TMEM94: variants seen among roughly 807,000 people sequenced by gnomAD.
TMEM94 encodes the protein ER Mg2+ ATPase.
In TMEM94, 81 loss-of-function variants were observed where a neutral mutation model predicts 158.6. The observed-to-expected ratio is 0.51, with a 90% CI of 0.43 to 0.61. The LOEUF is 0.61. Among genes scored for constraint, TMEM94 ranks in the 20% least tolerant of loss-of-function variants. TMEM94 has a pLI of 0.00. For synonymous variants in TMEM94, 751 were observed against 730.7 expected, an observed-to-expected ratio of 1.03 and a Z score of -0.45; for missense variants, 1,435 against 1,762.0, an observed-to-expected ratio of 0.81 and a Z score of 3.32.
chr17:75,490,782 TTC>T (rs2052100963), intron 11 of TMEM94, 24 bp downstream of exon 11: 2 of 1,606,226 alleles, frequency 1.2e-6, no homozygotes, highest in Admixed American at 1.7e-5. Context: ...CCGGGATGGC[TTC>T]TCTCGCAGGT....
intron 25 of TMEM94, 47 bp from the exon 26 acceptor site, chr17:75,497,066 T>C (rs2052770217): frequency 1.3e-6 from 2 of 1,542,092 alleles, no homozygotes; most frequent in Admixed American, 1.7e-5. Flanking sequence ...ATGCCCTTAT[T>C]ATTTGCCTGA....
Position 75,495,844 on chromosome 17 carries a change from G to T in TMEM94, c.2945-122G>T. 1 of 827,406 alleles carries T rather than the reference G, an allele frequency of 1.2e-6. No individual in the cohort carries two copies. Among genetic ancestry groups the T allele is most frequent in the South Asian group, 1.6e-5 (1 of 61,674 alleles). 51.3% of individuals were successfully genotyped at this position (827,406 alleles called of 1,614,324 possible). On this transcript the variant is annotated intron_variant, in intron 22 of 31. Coordinates refer to ENST00000314256, the MANE Select transcript of TMEM94 (RefSeq NM_014738.6). The surrounding 1 kb of genome is among the most constrained non-coding windows in gnomAD (Gnocchi z 5.6). Reference sequence around the variant, plus strand: ...CACATGATCCCGCTGCCGGGGGTGGGATTGTTTCAAAGAGGGGCCCACCTC... The same window carrying T: ...CACATGATCCCGCTGCCGGGGGTGGTATTGTTTCAAAGAGGGGCCCACCTC...
Position 75,490,761 on chromosome 17 carries a change from A to G in TMEM94, c.1128+3A>G. On this transcript the variant is annotated splice_donor_region_variant and intron_variant, in intron 11 of 31. Coordinates refer to ENST00000314256, the MANE Select transcript of TMEM94 (RefSeq NM_014738.6). ...ATACGGAGGCTGTCTCCTCTCAGGT[A>G]CAACACTGACCCGGGATGGCTTCTC... 1.2e-6 allele frequency: 2 copies of G among 1,613,292 alleles called. No homozygotes were observed. The highest frequency in any genetic ancestry group is 1.7e-6 in the Non-Finnish European group (2 of 1,179,260).
chr17:75,461,228 T>C (rs1288478011), intron 1 of TMEM94, among the ~76,000 whole-genome samples: 2 of 150,014 alleles, frequency 1.3e-5, no homozygotes, highest in African/African-American at 2.5e-5. Flanking sequence ...GCCTCCGGAG[T>C]AGCTGGGAAT....
At chr17:75,457,881 T>A (rs1027398165) in intron 1 of TMEM94, among the ~76,000 whole-genome samples, 2 of 152,032 alleles carry the variant, frequency 1.3e-5, no homozygotes, top group African/African-American at 4.8e-5. Context: ...CCTGAGGAGA[T>A]CAAGTTCCCT....
intron 1 of TMEM94, among the ~76,000 whole-genome samples, chr17:75,468,566 C>A (rs2050387588): frequency 6.6e-6 from 1 of 152,156 alleles, no homozygotes; most frequent in South Asian, 2.1e-4. Flanking sequence ...TTTCAGTTGG[C>A]GACCAAAGAC....
chr17:75,485,739 A>G lies in TMEM94; in HGVS notation c.145-132A>G. The G allele has an allele frequency of 7.4e-7, 1 of 1,355,798 alleles. No individual in the cohort carries two copies. The highest frequency in any genetic ancestry group is 1.0e-6 in the Non-Finnish European group (1 of 1,001,840). The allele number at this position is 1,355,798 out of a possible 1,614,324, so 84.0% of individuals were successfully genotyped here. A position where few individuals can be genotyped will look rare whatever the true frequency, so the allele number is the denominator to read the frequency against. On this transcript the variant is annotated intron_variant, in intron 3 of 31. Transcript: ENST00000314256. This position sits in a 1 kb window ranked among gnomAD's most constrained non-coding sequence, Gnocchi z 5.5. ...AGCCTGCTTGCTGCAGGAGCCCAAC[A>G]GGCTGGAGCCCAGCCGAGGTCAAAG...
chr17:75,495,022 G>T lies in TMEM94; in HGVS notation c.2716G>T (p.Asp906Tyr), dbSNP rs760882172. Reference sequence around the variant, plus strand: ...CAGCCACGCAGGCTCCCTGCATGATGACCTGAATCAGGGTAAGGGCAAAGG... The same window carrying T: ...CAGCCACGCAGGCTCCCTGCATGATTACCTGAATCAGGGTAAGGGCAAAGG... ...SPSHAGSLHD[D>Y]LNQVSRDDAE... is the part of the protein sequence containing the mutation. The change falls in exon 20 of 32, where the codon GAC becomes TAC. Residue 906 changes from aspartate to tyrosine, a missense_variant. By Grantham distance (160) the Asp-to-Tyr change is radical (BLOSUM62 -3). Transcript: ENST00000314256. The surrounding 1 kb of genome is among the most constrained non-coding windows in gnomAD (Gnocchi z 5.6). 50 of 1,563,956 alleles carry T rather than the reference G, an allele frequency of 3.2e-5. No individual in the cohort carries two copies. In the South Asian group the frequency reaches 4.9e-4, roughly 15 times the overall value.
In TMEM94 at chr17:75,485,125, G is replaced by A. The variant is rs145691993; in HGVS notation, c.25-303G>A. 2.5e-3 allele frequency among the ~76,000 whole-genome samples: 388 copies of A among 152,314 alleles called. 1 individual carries two copies. Among genetic ancestry groups the A allele is most frequent in the African/African-American group, 8.8e-3 (364 of 41,566 alleles). On this transcript the variant is annotated intron_variant, in intron 2 of 31. Coordinates refer to ENST00000314256, the MANE Select transcript of TMEM94 (RefSeq NM_014738.6). This position sits in a 1 kb window ranked among gnomAD's most constrained non-coding sequence, Gnocchi z 5.5. ...TCAGTGGTGAGCACAGCCTGGGTGG[G>A]CAGGGAGCTCGCCAGGGGCAGTGGG...
intron 26 of TMEM94, among the ~76,000 whole-genome samples, 192 bp downstream of exon 26, chr17:75,497,390 G>A (rs1223832251): frequency 8.7e-6 from 1 of 114,976 alleles, no homozygotes; most frequent in Admixed American, 1.3e-4. Context: ...GTCTCGCTCT[G>A]TCACCCAGGC....
chr17:75,491,826 C>T lies in TMEM94; in HGVS notation c.1522C>T (p.Arg508Cys), dbSNP rs1159117959. Residue 508 changes from arginine to cysteine, a missense_variant, in exon 14 of 32, where the codon CGC becomes TGC. Arg to Cys is a radical substitution (Grantham distance 180). Coordinates refer to ENST00000314256, the MANE Select transcript of TMEM94 (RefSeq NM_014738.6). This position sits in a 1 kb window ranked among gnomAD's most constrained non-coding sequence, Gnocchi z 5.1. ...EPYSHHKAHG[R>C]SKHPSGSNVS... ...CTATTCACACCACAAAGCGCATGGC[C>T]GCAGCAAACACCCATCTGGCTCCAA... The T allele has an allele frequency of 1.7e-5, 27 of 1,613,970 alleles. No individual in the cohort carries two copies. Among genetic ancestry groups the T allele is most frequent in the Non-Finnish European group, 2.0e-5 (24 of 1,180,038 alleles).
intron 10 of TMEM94, 151 bp downstream of exon 10, chr17:75,490,501 C>A (rs1188641021): frequency 9.3e-5 from 90 of 971,694 alleles, no homozygotes; most frequent in Non-Finnish European, 1.3e-4. Flanking sequence ...CCTCTCCATT[C>A]CAGAAGGGCC....
chr17:75,488,227 C>T (rs538286887), intron 6 of TMEM94, 93 bp downstream of exon 6: 28 of 1,263,134 alleles, frequency 2.2e-5, no homozygotes, highest in East Asian at 1.7e-4. Context: ...GGAAGCTTCC[C>T]GGCCAGCTTA....
chr17:75,464,980 T>C (rs2146109623), intron 1 of TMEM94, among the ~76,000 whole-genome samples: 1 of 152,148 alleles, frequency 6.6e-6, no homozygotes, highest in East Asian at 1.9e-4. Context: ...ATTACAGGCA[T>C]GAGCCACTGC....
At chr17:75,490,578 G>A in intron 10 of TMEM94, 124 bp from the exon 11 acceptor site, 1 of 963,208 alleles carries the variant, frequency 1.0e-6, no homozygotes. Context: ...AGTCAGAACG[G>A]CCTGGGCCCT....
intron 2 of TMEM94, among the ~76,000 whole-genome samples, chr17:75,481,766 A>T (rs759113440): frequency 6.6e-5 from 10 of 152,202 alleles, no homozygotes; most frequent in Non-Finnish European, 8.8e-5. Flanking sequence ...GGCTGCCCCA[A>T]ATCCCTTTCC....
intron 4 of TMEM94, 128 bp downstream of exon 4, chr17:75,486,126 C>T (rs2051583504): frequency 2.8e-6 from 4 of 1,443,100 alleles, no homozygotes; most frequent in Non-Finnish European, 3.7e-6. Context: ...AGGGAACCTC[C>T]TCAGTCCCTT....
chr17:75,492,569 C>T lies in TMEM94; in HGVS notation c.1692C>T (p.Asn564=). 3.1e-6 allele frequency: 5 copies of T among 1,614,050 alleles called. No homozygotes were observed. Among genetic ancestry groups the T allele is most frequent in the Non-Finnish European group, 4.2e-6 (5 of 1,179,994 alleles). The change falls in exon 15 of 32, where the codon AAC becomes AAT. Residue 564 remains asparagine, a synonymous_variant. Transcript: ENST00000314256. This position sits in a 1 kb window ranked among gnomAD's most constrained non-coding sequence, Gnocchi z 4.4. The part of the protein sequence containing the change: ...EMLSLSQDQQ[N]PSCIQFDDSN... ...TGAGCCTGTCCCAGGACCAGCAGAA[C>T]CCCTCCTGCATCCAGTTTGATGACT... is the stretch of plus-strand genomic sequence containing the variant.
At chr17:75,481,738 T>G (rs1403126399) in intron 2 of TMEM94, among the ~76,000 whole-genome samples, 1 of 152,218 alleles carries the variant, frequency 6.6e-6, no homozygotes, top group East Asian at 1.9e-4. Context: ...CCACAGCCTG[T>G]GGCTGAGCCT....
Sources: allele counts gnomAD v4.1 joint callset (sites outside exome capture counted in the v4.1 genomes callset), GRCh38; gene constraint gnomAD v4.1.1; non-coding constraint Gnocchi (gnomAD v3.1); transcripts MANE v1.5; gene names NCBI Gene and HGNC (gene_info 2026-07-23, HGNC 2026-07-21).